PPIL6: variants seen among roughly 807,000 people sequenced by gnomAD.
The protein encoded by PPIL6 is peptidylprolyl isomerase like 6.
PPIL6 carries 39 observed loss-of-function variants against 36.8 expected under a neutral mutation model. That is an observed-to-expected ratio of 1.06 (90% CI 0.82 to 1.38). The LOEUF is 1.38. PPIL6 is among the 40% of genes most tolerant of loss of function. The pLI, the probability that PPIL6 is intolerant of heterozygous loss-of-function variation, is 0.00. For missense variants in PPIL6, 368 were observed against 379.1 expected (o/e 0.97, Z 0.24); for synonymous variants, 123 against 134.1 (o/e 0.92, Z 0.57).
intron 6 of PPIL6, among the ~76,000 whole-genome samples, chr6:109,402,018 C>T (rs1467270765): frequency 6.6e-6 from 1 of 152,006 alleles, no homozygotes; most frequent in African/African-American, 2.4e-5. Flanking sequence ...CCACCGCGCC[C>T]GGCCCAGATT....
intron 6 of PPIL6, among the ~76,000 whole-genome samples, chr6:109,404,138 A>G (rs1772680801): frequency 6.6e-6 from 1 of 152,212 alleles, no homozygotes; most frequent in African/African-American, 2.4e-5. Flanking sequence ...CAAAGATTCT[A>G]TCTGGAGAGC....
At chr6:109,410,534 T>A (rs1011647721) in intron 6 of PPIL6, among the ~76,000 whole-genome samples, 2 of 152,090 alleles carry the variant, frequency 1.3e-5, no homozygotes, top group Admixed American at 1.3e-4. Flanking sequence ...GATCTTCAAA[T>A]CCCAAACTCC....
chr6:109,426,736 C>T (rs540007029), intron 5 of PPIL6, 111 bp downstream of exon 5: 20 of 687,364 alleles, frequency 2.9e-5, no homozygotes, highest in East Asian at 2.5e-4. Flanking sequence ...TCTTTAAATA[C>T]GTCTAATTTT....
At chr6:109,441,143 C>A (rs767344988), upstream of PPIL6, 2 of 1,614,220 alleles carry the variant, frequency 1.2e-6, no homozygotes, top group East Asian at 2.2e-5. Context: ...CTTCTCCCTG[C>A]GACTGCGGAT....
chr6:109,424,393 G>C (rs1773711870), intron 5 of PPIL6, among the ~76,000 whole-genome samples: 1 of 152,160 alleles, frequency 6.6e-6, no homozygotes, highest in Admixed American at 6.5e-5. Context: ...GTGAGGAGGA[G>C]GGGCAGGCAG....
chr6:109,410,063 T>TTACC (rs1399696916), intron 6 of PPIL6, among the ~76,000 whole-genome samples: 38 of 151,974 alleles, frequency 2.5e-4, no homozygotes, highest in Non-Finnish European at 4.6e-4. Context: ...GACCCATGGA[T>TTACC]TACCACCTGA....
Position 109,436,098 on chromosome 6 carries a change from C to A in PPIL6, c.231+6G>T, listed in dbSNP as rs767546007. The A allele has an allele frequency of 1.3e-6, 2 of 1,481,498 alleles. No individual in the cohort carries two copies. The highest frequency in any genetic ancestry group is 2.3e-5 in the South Asian group (2 of 87,524). 91.8% of individuals were successfully genotyped at this position (1,481,498 alleles called of 1,614,324 possible). On this transcript the variant is annotated splice_donor_region_variant and intron_variant, in intron 2 of 7. Transcript: ENST00000521072. ...CTATATCCCCCACACCCCAAATATC[C>A]TTTACCCTTTTTTTCTCCTGTAGAT... is the stretch of plus-strand genomic sequence containing the variant.
intron 3 of PPIL6, among the ~76,000 whole-genome samples, chr6:109,427,696 T>C (rs1397950863): frequency 6.6e-6 from 1 of 152,162 alleles, no homozygotes; most frequent in Non-Finnish European, 1.5e-5. Context: ...GCCCACATTA[T>C]ACATTTTAAA....
intron 6 of PPIL6, among the ~76,000 whole-genome samples, chr6:109,415,564 T>C (rs1372550647): frequency 1.3e-5 from 2 of 152,236 alleles, no homozygotes; most frequent in South Asian, 2.1e-4. Flanking sequence ...GATGATTTCC[T>C]TGATGGGCTC....
chr6:109,420,632 T>G (rs1044956562), intron 5 of PPIL6, among the ~76,000 whole-genome samples: 1 of 152,192 alleles, frequency 6.6e-6, no homozygotes, highest in East Asian at 1.9e-4. Context: ...CTCTGAGGTC[T>G]GTCCTCTCTC....
At chr6:109,415,057 G>A (rs1773187301) in intron 6 of PPIL6, among the ~76,000 whole-genome samples, 1 of 152,162 alleles carries the variant, frequency 6.6e-6, no homozygotes, top group South Asian at 2.1e-4. Context: ...ACACTGAGTA[G>A]GCTGAGGAGG....
chr6:109,433,888 C>G (rs1264757687), intron 2 of PPIL6, among the ~76,000 whole-genome samples: 1 of 152,102 alleles, frequency 6.6e-6, no homozygotes. Context: ...AAGCCTCATT[C>G]AAGACCCATG....
chr6:109,401,597 G>A (rs1772541523), intron 6 of PPIL6, among the ~76,000 whole-genome samples: 1 of 152,094 alleles, frequency 6.6e-6, no homozygotes. Context: ...AGGCATGTTT[G>A]TACAAATGAG....
intron 5 of PPIL6, among the ~76,000 whole-genome samples, 175 bp from the exon 6 acceptor site, chr6:109,419,418 TAAA>T (rs367886820): frequency 1.4e-5 from 2 of 140,492 alleles, no homozygotes; most frequent in Non-Finnish European, 1.6e-5. Context: ...CCATCTCGAT[TAAA>T]AAAAAAAAAA....
chr6:109,426,461 G>A (rs760800777), intron 5 of PPIL6, among the ~76,000 whole-genome samples: 4 of 152,140 alleles, frequency 2.6e-5, no homozygotes, highest in Non-Finnish European at 5.9e-5. Flanking sequence ...TGAGAAATAA[G>A]TTGTTTTCCA....
Position 109,426,881 on chromosome 6 carries a change from A to G in PPIL6, c.597T>C (p.His199=), listed in dbSNP as rs1582583046. The change falls in exon 5 of 8, where the codon CAT becomes CAC. Residue 199 remains histidine (H), a synonymous_variant. Coordinates refer to ENST00000521072, the MANE Select transcript of PPIL6 (RefSeq NM_173672.5). ...GTATCCAGCCATTCTGTACTATTCG[A>G]TGAAAAATGGAATTTTTGTAATGTA... ...IRLHYKNSIF[H]RIVQNGWIQG... The G allele has an allele frequency of 6.2e-7, 1 of 1,600,988 alleles. No homozygotes were observed. The highest frequency in any genetic ancestry group is 2.2e-5 in the East Asian group (1 of 44,534).
intron 5 of PPIL6, among the ~76,000 whole-genome samples, chr6:109,422,630 C>T (rs1362791922): frequency 6.6e-6 from 1 of 152,066 alleles, no homozygotes; most frequent in Non-Finnish European, 1.5e-5. Flanking sequence ...TCTCTCAAAT[C>T]CATTCAAAGT....
chr6:109,422,109 C>T (rs539018493), intron 5 of PPIL6, among the ~76,000 whole-genome samples: 69 of 152,246 alleles, frequency 4.5e-4, no homozygotes, highest in South Asian at 2.1e-3. Flanking sequence ...AACTCCTGAC[C>T]TCGTGATCCA....
chr6:109,405,626 C>T (rs919810530), intron 6 of PPIL6, among the ~76,000 whole-genome samples: 51 of 152,144 alleles, frequency 3.4e-4, no homozygotes, highest in Non-Finnish European at 6.8e-4. Flanking sequence ...TTATGGATTT[C>T]GCCCCCACTT....
Sources: allele counts gnomAD v4.1 joint callset (sites outside exome capture counted in the v4.1 genomes callset), GRCh38; gene constraint gnomAD v4.1.1; transcripts MANE v1.5; gene names NCBI Gene and HGNC (gene_info 2026-07-23, HGNC 2026-07-21).